The following HCN1 variants were observed in gnomAD, a reference collection of about 807,000 sequenced individuals.
HCN1 encodes hyperpolarization activated cyclic nucleotide gated potassium channel 1.
HCN1 carries 13 observed loss-of-function variants against 78.9 expected under a neutral mutation model. The observed-to-expected ratio is 0.16, with a 90% CI of 0.11 to 0.26. The LOEUF is 0.26. Among genes scored for constraint, HCN1 ranks in the 10% least tolerant of loss-of-function variants. The pLI is 1.00. For synonymous variants in HCN1, 552 were observed against 455.5 expected, an observed-to-expected ratio of 1.21 and a Z score of -2.70; for missense variants, 810 against 1,154.3, an observed-to-expected ratio of 0.70 and a Z score of 4.32.
At chr5:45,578,263 A>G (rs1302690018) in intron 2 of HCN1, among the ~76,000 whole-genome samples, 1 of 151,998 alleles carries the variant, frequency 6.6e-6, no homozygotes, top group African/African-American at 2.4e-5. Flanking sequence ...AAATGAGGGT[A>G]TTAGGGATGT....
intron 2 of HCN1, among the ~76,000 whole-genome samples, chr5:45,506,093 AATG>A (rs1462465994): frequency 1.3e-5 from 2 of 152,174 alleles, no homozygotes; most frequent in Non-Finnish European, 2.9e-5. Flanking sequence ...ATATTAGATA[AATG>A]ATAACTGTAA....
At chr5:45,483,347 G>T (rs2111680193) in intron 2 of HCN1, among the ~76,000 whole-genome samples, 1 of 152,218 alleles carries the variant, frequency 6.6e-6, no homozygotes, top group African/African-American at 2.4e-5. Flanking sequence ...GGTATTCATT[G>T]TGGTCTTGAC....
chr5:45,614,849 T>G (rs2111984805), intron 2 of HCN1, among the ~76,000 whole-genome samples: 1 of 152,142 alleles, frequency 6.6e-6, no homozygotes, highest in African/African-American at 2.4e-5. Context: ...CACTCCAGAT[T>G]ATGTCACCCC....
At chr5:45,336,164 C>T (rs1414520814) in intron 5 of HCN1, among the ~76,000 whole-genome samples, 1 of 151,892 alleles carries the variant, frequency 6.6e-6, no homozygotes, top group Non-Finnish European at 1.5e-5. Context: ...GGTCAGGCAG[C>T]AACTGAGAGG....
chr5:45,346,933 G>A (rs1380138586), intron 5 of HCN1, among the ~76,000 whole-genome samples: 1 of 152,230 alleles, frequency 6.6e-6, no homozygotes, highest in African/African-American at 2.4e-5. Context: ...ACCTCTGGGG[G>A]CAGGGCACAG....
chr5:45,285,405 A>G (rs886522396), intron 6 of HCN1, among the ~76,000 whole-genome samples: 16 of 152,040 alleles, frequency 1.1e-4, no homozygotes, highest in African/African-American at 3.9e-4. Context: ...CTCTTCTTAT[A>G]TTATTATAGA....
intron 2 of HCN1, among the ~76,000 whole-genome samples, chr5:45,597,319 A>T (rs146589710): frequency 2.0e-5 from 3 of 152,350 alleles, no homozygotes; most frequent in African/African-American, 7.2e-5. Context: ...GACAAAAAAC[A>T]CATGATTATC....
At chr5:45,435,304 T>C (rs1740541050) in intron 3 of HCN1, among the ~76,000 whole-genome samples, 1 of 152,092 alleles carries the variant, frequency 6.6e-6, no homozygotes, top group Non-Finnish European at 1.5e-5. Flanking sequence ...ATATATCTCT[T>C]GCAGAACAGA....
intron 1 of HCN1, among the ~76,000 whole-genome samples, chr5:45,667,746 GCTCTCTT>G (rs1330419177): frequency 1.1e-4 from 17 of 151,882 alleles, no homozygotes; most frequent in Non-Finnish European, 2.2e-4. Flanking sequence ...AAGCTTTATA[GCTCTCTT>G]GTTATGTTTC....
At chr5:45,421,637 C>A (rs1473746397) in intron 3 of HCN1, among the ~76,000 whole-genome samples, 2 of 151,914 alleles carry the variant, frequency 1.3e-5, no homozygotes, top group Non-Finnish European at 2.9e-5. Context: ...TATTTTAAAT[C>A]TATTTTTTAA....
intron 2 of HCN1, chr5:45,576,458 A>G (rs928734658): frequency 6.6e-6 from 1 of 152,102 alleles, no homozygotes; most frequent in Non-Finnish European, 1.5e-5. Flanking sequence ...CTGAAGGAAG[A>G]GTAAATTGAT....
chr5:45,551,807 A>T (rs1173687037), intron 2 of HCN1, among the ~76,000 whole-genome samples: 1 of 151,910 alleles, frequency 6.6e-6, no homozygotes, highest in Non-Finnish European at 1.5e-5. Context: ...AATGAAGAAA[A>T]TTTTCCATCA....
chr5:45,347,566 C>T (rs1328015996), intron 5 of HCN1, among the ~76,000 whole-genome samples: 12 of 152,196 alleles, frequency 7.9e-5, no homozygotes, highest in East Asian at 1.9e-4. Context: ...CAAACTACTC[C>T]GAGCTACAGG....
rs887039134 is a variant in HCN1, at chr5:45,383,108, A to G, written c.1230+13384T>C. 3.9e-5 allele frequency among the ~76,000 whole-genome samples: 6 copies of G among 152,198 alleles called. No individual in the cohort carries two copies. In the South Asian group the frequency reaches 6.2e-4, roughly 16 times the overall value. Reference sequence around the variant, plus strand: ...AAATGAGTCTCTAAGAGACTATAAAACTTGTTGTGGTCATGCAGTTATGAA... The same window carrying G: ...AAATGAGTCTCTAAGAGACTATAAAGCTTGTTGTGGTCATGCAGTTATGAA... On this transcript the variant is annotated intron_variant, in intron 4 of 7. Transcript: ENST00000303230.
rs1746375218 is a variant in HCN1 at position 45,332,890 on chromosome 5, T to A, written c.1377+20210A>T. ...CACATTTTCCTTTTCCATTCATATG[T>A]TGATGGACACTTCAGTTGTTTCCAA... On this transcript the variant is annotated intron_variant, in intron 5 of 7. Transcript: ENST00000303230. Among the ~76,000 whole-genome samples the A allele has an allele frequency of 2.0e-5, 3 of 151,778 alleles. No homozygotes were observed. The South Asian group carries it at 6.2e-4, about 31-fold the overall frequency.
chr5:45,386,323 G>A (rs949979874), intron 4 of HCN1, among the ~76,000 whole-genome samples: 3 of 151,620 alleles, frequency 2.0e-5, no homozygotes, highest in African/African-American at 4.8e-5. Flanking sequence ...GTATAGGTGC[G>A]AGCCATCATG....
chr5:45,653,418 A>C (rs1745713933), intron 1 of HCN1, among the ~76,000 whole-genome samples: 1 of 152,088 alleles, frequency 6.6e-6, no homozygotes, highest in Admixed American at 6.6e-5. Context: ...AATTTGATAA[A>C]GACTGCTTAA....
intron 2 of HCN1, among the ~76,000 whole-genome samples, chr5:45,478,895 G>A (rs1289965171): frequency 3.3e-5 from 5 of 152,068 alleles, no homozygotes; most frequent in African/African-American, 1.2e-4. Flanking sequence ...AGGCCGAGGC[G>A]GGCAGATCAT....
intron 3 of HCN1, among the ~76,000 whole-genome samples, chr5:45,443,320 G>T (rs903194379): frequency 6.6e-5 from 10 of 151,770 alleles, no homozygotes; most frequent in South Asian, 4.1e-4. Flanking sequence ...CTTGCTATTT[G>T]AACTTTTGTA....
Sources: allele counts gnomAD v4.1 joint callset (sites outside exome capture counted in the v4.1 genomes callset), GRCh38; gene constraint gnomAD v4.1.1; transcripts MANE v1.5; gene names NCBI Gene and HGNC (gene_info 2026-07-23, HGNC 2026-07-21).